MAP3K20: variants seen among roughly 807,000 people sequenced by gnomAD.
The protein encoded by MAP3K20 is HCCS-4.
MAP3K20 carries 40 observed loss-of-function variants against 85.7 expected under a neutral mutation model. The ratio of observed to expected loss-of-function variants is 0.47; its 90% confidence interval spans 0.36 to 0.61. The LOEUF (loss-of-function observed/expected upper bound fraction) is 0.61. Among genes scored for constraint, MAP3K20 ranks in the 20% least tolerant of loss-of-function variants. MAP3K20 has a pLI of 0.00. For missense variants in MAP3K20, 817 were observed against 961.7 expected (o/e 0.85, Z 1.99); for synonymous variants, 325 against 327.7 (o/e 0.99, Z 0.09).
At chr2:173,142,844 G>A (rs1689017034) in intron 2 of MAP3K20, among the ~76,000 whole-genome samples, 1 of 151,980 alleles carries the variant, frequency 6.6e-6, no homozygotes, top group South Asian at 2.1e-4. Flanking sequence ...CAATTAAATG[G>A]CAGAGATTGC....
intron 2 of MAP3K20, among the ~76,000 whole-genome samples, chr2:173,138,213 C>G (rs1342351014): frequency 6.6e-6 from 1 of 152,160 alleles, no homozygotes; most frequent in African/African-American, 2.4e-5. Context: ...TCGTGTTTCG[C>G]CCGCCTCGGC....
At chr2:173,156,500 T>C (rs1335676673) in intron 2 of MAP3K20, among the ~76,000 whole-genome samples, 1 of 152,206 alleles carries the variant, frequency 6.6e-6, no homozygotes. Flanking sequence ...AAGACAGTTT[T>C]TCCACAGATA....
intron 12 of MAP3K20, among the ~76,000 whole-genome samples, chr2:173,231,094 A>G (rs1684514899): frequency 6.6e-6 from 1 of 152,246 alleles, no homozygotes; most frequent in Non-Finnish European, 1.5e-5. Context: ...AATGAAAAAA[A>G]CAAAAGATGT....
intron 14 of MAP3K20, among the ~76,000 whole-genome samples, chr2:173,235,030 C>T (rs1434084909): frequency 2.0e-5 from 3 of 152,184 alleles, no homozygotes; most frequent in Non-Finnish European, 4.4e-5. Context: ...TTCTCAGGCT[C>T]AAGAAGGAAA....
intron 2 of MAP3K20, among the ~76,000 whole-genome samples, chr2:173,127,899 C>T (rs1688489730): frequency 6.6e-6 from 1 of 152,132 alleles, no homozygotes; most frequent in African/African-American, 2.4e-5. Context: ...GAATTATTGC[C>T]AGGACGCAGG....
chr2:173,118,290 G>C (rs891392089), intron 2 of MAP3K20, among the ~76,000 whole-genome samples: 3 of 152,192 alleles, frequency 2.0e-5, no homozygotes, highest in Non-Finnish European at 2.9e-5. Flanking sequence ...TGTGAATTTA[G>C]TCACTAACAT....
intron 5 of MAP3K20, among the ~76,000 whole-genome samples, chr2:173,190,144 A>G (rs1690604904): frequency 6.6e-6 from 1 of 152,098 alleles, no homozygotes; most frequent in Non-Finnish European, 1.5e-5. Flanking sequence ...CTAGGAAACT[A>G]CTTTCCTCCC....
intron 14 of MAP3K20, among the ~76,000 whole-genome samples, chr2:173,234,614 G>A (rs1246237843): frequency 2.0e-5 from 3 of 152,216 alleles, no homozygotes; most frequent in African/African-American, 7.2e-5. Flanking sequence ...ACCAGGAAAG[G>A]AAAGAACATT....
intron 2 of MAP3K20, among the ~76,000 whole-genome samples, chr2:173,163,428 C>T (rs1175368734): frequency 6.6e-6 from 1 of 152,214 alleles, no homozygotes; most frequent in Admixed American, 6.5e-5. Flanking sequence ...GCCTCCAGCT[C>T]CATCCATGTT....
intron 14 of MAP3K20, among the ~76,000 whole-genome samples, chr2:173,237,466 T>C (rs757137941): frequency 6.6e-6 from 1 of 152,184 alleles, no homozygotes; most frequent in African/African-American, 2.4e-5. Context: ...GTTCATTACA[T>C]TGTCAGCTGT....
intron 2 of MAP3K20, among the ~76,000 whole-genome samples, chr2:173,138,058 C>T (rs1380832345): frequency 6.6e-6 from 1 of 152,118 alleles, no homozygotes; most frequent in African/African-American, 2.4e-5. Flanking sequence ...ACCTCCGCCT[C>T]ACAGGTTCAA....
In MAP3K20 at chr2:173,178,728, A is replaced by G. The variant is rs1325768273; in HGVS notation, c.248-4126A>G. Among the ~76,000 whole-genome samples, 3 of 152,234 alleles carry G rather than the reference A, an allele frequency of 2.0e-5. No individual in the cohort carries two copies. The East Asian group carries it at 5.8e-4, about 29-fold the overall frequency. ...AGATGATTTCACTGGTGAATTCTAT[A>G]AAATGTTTATAGAAGAGATAACATC... On this transcript the variant is annotated intron_variant, in intron 3 of 19. Transcript: ENST00000375213.
chr2:173,205,670 T>C (rs965433793), intron 9 of MAP3K20, among the ~76,000 whole-genome samples: 4 of 152,204 alleles, frequency 2.6e-5, no homozygotes, highest in African/African-American at 9.6e-5. Context: ...AAATCTTTGC[T>C]TTCACTCCTG....
chr2:173,156,586 C>T (rs1031888574), intron 2 of MAP3K20, among the ~76,000 whole-genome samples: 18 of 152,114 alleles, frequency 1.2e-4, no homozygotes, highest in East Asian at 7.7e-4. Context: ...TCATAAAGAC[C>T]GTGCAACCTA....
At chr2:173,105,487 A>G (rs1055532603) in intron 2 of MAP3K20, among the ~76,000 whole-genome samples, 1 of 152,234 alleles carries the variant, frequency 6.6e-6, no homozygotes, top group Admixed American at 6.5e-5. Flanking sequence ...CCTAAATACC[A>G]TTTACAATGC....
intron 4 of MAP3K20, among the ~76,000 whole-genome samples, 165 bp downstream of exon 4, chr2:173,183,120 C>T (rs1365370739): frequency 1.3e-5 from 2 of 152,148 alleles, no homozygotes; most frequent in South Asian, 2.1e-4. Context: ...TATTTTAGGT[C>T]ATTGCCTTTC....
chr2:173,132,215 A>G (rs190509550), intron 2 of MAP3K20, among the ~76,000 whole-genome samples: 40 of 152,306 alleles, frequency 2.6e-4, no homozygotes, highest in African/African-American at 9.1e-4. Flanking sequence ...TAAAAAGAAG[A>G]AAAAACAGAT....
chr2:173,265,132 G>A (rs143958085), intron 19 of MAP3K20, among the ~76,000 whole-genome samples: 84 of 152,320 alleles, frequency 5.5e-4, no homozygotes, highest in African/African-American at 2.0e-3. Flanking sequence ...TTCAGAGCTC[G>A]GGGTCACCTG....
chr2:173,096,740 T>C (rs1372799636), intron 2 of MAP3K20, among the ~76,000 whole-genome samples: 2 of 152,254 alleles, frequency 1.3e-5, no homozygotes, highest in Non-Finnish European at 2.9e-5. Context: ...TACTTTCATA[T>C]CGCTTTTCCA....
Sources: allele counts gnomAD v4.1 joint callset (sites outside exome capture counted in the v4.1 genomes callset), GRCh38; gene constraint gnomAD v4.1.1; transcripts MANE v1.5; gene names NCBI Gene and HGNC (gene_info 2026-07-23, HGNC 2026-07-21).